RIMKLB: variants seen among roughly 807,000 people sequenced by gnomAD.
RIMKLB encodes ribosomal modification protein rimK like family member B.
In RIMKLB, 7 loss-of-function variants were observed where a neutral mutation model predicts 32.0. The observed-to-expected ratio is 0.22, with a 90% confidence interval of 0.12 to 0.41. The LOEUF is 0.41. Among genes scored for constraint, RIMKLB ranks in the 10% least tolerant of loss-of-function variants. The pLI is 1.00. For synonymous variants in RIMKLB, 172 were observed against 185.1 expected (o/e 0.93, Z 0.57); for missense variants, 289 against 498.7 (o/e 0.58, Z 4.00).
At chr12:8,725,975 A>G (rs1945957174) in intron 2 of RIMKLB, among the ~76,000 whole-genome samples, 1 of 152,098 alleles carries the variant, frequency 6.6e-6, no homozygotes, top group Non-Finnish European at 1.5e-5. Context: ...AGCCTCCCGA[A>G]TAGCTGGGAC....
chr12:8,677,381 C>G (rs1367262419), upstream of RIMKLB, among the ~76,000 whole-genome samples: 4 of 152,130 alleles, frequency 2.6e-5, no homozygotes, highest in Non-Finnish European at 5.9e-5. Flanking sequence ...ACACCACACC[C>G]TTTATCACAC....
chr12:8,757,066 C>T (rs1436032188), intron 5 of RIMKLB, among the ~76,000 whole-genome samples: 1 of 152,088 alleles, frequency 6.6e-6, no homozygotes, highest in Non-Finnish European at 1.5e-5. Flanking sequence ...ATAACACGTC[C>T]TGCTGACTAG....
At chr12:8,761,874 G>A (rs776851887) in intron 5 of RIMKLB, among the ~76,000 whole-genome samples, 3 of 152,232 alleles carry the variant, frequency 2.0e-5, no homozygotes, top group South Asian at 4.2e-4. Flanking sequence ...GGGTGCCTTC[G>A]ATGTCATTAA....
intron 4 of RIMKLB, among the ~76,000 whole-genome samples, chr12:8,752,870 A>C (rs1387173049): frequency 2.6e-5 from 4 of 151,880 alleles, no homozygotes; most frequent in Admixed American, 6.6e-5. Flanking sequence ...CCTCCCAAGT[A>C]GCTGGAATTA....
chr12:8,687,021 C>T (rs925659361), intron 1 of RIMKLB, among the ~76,000 whole-genome samples: 1 of 152,120 alleles, frequency 6.6e-6, no homozygotes, highest in African/African-American at 2.4e-5. Context: ...TGGCGACCAC[C>T]TTCAAGTGAT....
At chr12:8,748,936 C>CA (rs1948389021) in intron 2 of RIMKLB, among the ~76,000 whole-genome samples, 1 of 151,174 alleles carries the variant, frequency 6.6e-6, no homozygotes, top group African/African-American at 2.4e-5. Context: ...GCCTTTGTCT[C>CA]AAAAAAAGAA....
chr12:8,760,814 T>G (rs1211458780), intron 5 of RIMKLB, among the ~76,000 whole-genome samples: 1 of 152,224 alleles, frequency 6.6e-6, no homozygotes, highest in Non-Finnish European at 1.5e-5. Context: ...TAAATTTGTT[T>G]GAGTTCTTTG....
intron 2 of RIMKLB, among the ~76,000 whole-genome samples, chr12:8,727,220 TTTGTTGTTG>T (rs757341772): frequency 2.0e-5 from 3 of 151,778 alleles, no homozygotes; most frequent in Non-Finnish European, 4.4e-5. Flanking sequence ...GGCACTTTGG[TTTGTTGTTG>T]TTGTTGTTAT....
chr12:8,711,496 G>A (rs779093830), intron 1 of RIMKLB, among the ~76,000 whole-genome samples: 1 of 152,164 alleles, frequency 6.6e-6, no homozygotes, highest in East Asian at 1.9e-4. Flanking sequence ...CAGTGACAGA[G>A]TCTTTTAATC....
At chr12:8,704,863 TC>T (rs5796318) in intron 1 of RIMKLB, among the ~76,000 whole-genome samples, 152,062 of 152,064 alleles carry the variant, frequency 1, 76,030 homozygotes, top group Non-Finnish European at 1. Flanking sequence ...TACATACCTG[TC>T]ATCCCACCTA....
downstream of RIMKLB, among the ~76,000 whole-genome samples, chr12:8,781,647 G>A (rs1371040752): frequency 2.0e-5 from 3 of 152,038 alleles, no homozygotes; most frequent in Non-Finnish European, 2.9e-5. Flanking sequence ...CTCACATTCA[G>A]TCCTGAATTT....
chr12:8,738,243 A>G (rs1234517606), intron 2 of RIMKLB, among the ~76,000 whole-genome samples: 1 of 152,030 alleles, frequency 6.6e-6, no homozygotes, highest in Admixed American at 6.6e-5. Flanking sequence ...GAGTTTTGCT[A>G]TGTTGCCTAG....
At chr12:8,684,756 G>C (rs1464844748) in intron 1 of RIMKLB, among the ~76,000 whole-genome samples, 1 of 152,140 alleles carries the variant, frequency 6.6e-6, no homozygotes, top group Admixed American at 6.6e-5. Context: ...AAGTAGCTGG[G>C]ACTACACGTG....
At chr12:8,767,782 A>G (rs1950091835) in intron 5 of RIMKLB, among the ~76,000 whole-genome samples, 1 of 152,148 alleles carries the variant, frequency 6.6e-6, no homozygotes, top group South Asian at 2.1e-4. Context: ...TTTGTTAGAA[A>G]GCTCTTTCCC....
intron 5 of RIMKLB, among the ~76,000 whole-genome samples, chr12:8,758,548 C>A (rs1949262316): frequency 6.6e-6 from 1 of 152,026 alleles, no homozygotes; most frequent in Admixed American, 6.6e-5. Flanking sequence ...CAAAAATTGT[C>A]CCTTTTAATG....
chr12:8,764,445 A>C (rs1040322489), intron 5 of RIMKLB, among the ~76,000 whole-genome samples: 1 of 152,214 alleles, frequency 6.6e-6, no homozygotes, highest in African/African-American at 2.4e-5. Flanking sequence ...ATGTGAAAAG[A>C]GTAAAGTTCT....
chr12:8,693,414 T>C (rs2136587926), upstream of RIMKLB, among the ~76,000 whole-genome samples: 1 of 151,448 alleles, frequency 6.6e-6, no homozygotes, highest in Admixed American at 6.6e-5. Context: ...TTTTTTTTTT[T>C]GAGAGGGAGT....
intron 1 of RIMKLB, among the ~76,000 whole-genome samples, chr12:8,701,703 C>G (rs1477263924): frequency 1.4e-5 from 2 of 146,038 alleles, no homozygotes; most frequent in Non-Finnish European, 3.0e-5. Context: ...TTTTGGATAG[C>G]TACATTTAGA....
intron 5 of RIMKLB, among the ~76,000 whole-genome samples, chr12:8,769,676 T>A (rs984710954): frequency 2.0e-5 from 3 of 152,166 alleles, no homozygotes; most frequent in African/African-American, 7.2e-5. Context: ...GGGTTTTGCA[T>A]TCCATTAATG....
Sources: allele counts gnomAD v4.1 joint callset (sites outside exome capture counted in the v4.1 genomes callset), GRCh38; gene constraint gnomAD v4.1.1; transcripts MANE v1.5; gene names NCBI Gene and HGNC (gene_info 2026-07-23, HGNC 2026-07-21).